The following AKAP10 variants were observed in gnomAD, a reference collection of about 807,000 sequenced individuals.
AKAP10 encodes the protein A-kinase anchoring protein 10.
In AKAP10, 24 loss-of-function variants were observed where a neutral mutation model predicts 80.8. The ratio of observed to expected loss-of-function variants is 0.30; its 90% CI spans 0.22 to 0.42. The LOEUF (loss-of-function observed/expected upper bound fraction) is 0.42. Among genes scored for constraint, AKAP10 ranks in the 10% least tolerant of loss-of-function variants. The pLI, the probability that AKAP10 is intolerant of heterozygous loss-of-function variation, is 1.00. For missense variants in AKAP10, 661 were observed against 794.9 expected, an observed-to-expected ratio of 0.83 and a Z score of 2.03; for synonymous variants, 291 against 277.7, an observed-to-expected ratio of 1.05 and a Z score of -0.48.
chr17:19,940,355 T>A (rs1352605610), intron 7 of AKAP10, among the ~76,000 whole-genome samples: 1 of 152,220 alleles, frequency 6.6e-6, no homozygotes, highest in African/African-American at 2.4e-5. Flanking sequence ...GGGAATCCTC[T>A]TTCTACTTAA....
At chr17:19,910,679 T>C (rs1279123666) in intron 12 of AKAP10, among the ~76,000 whole-genome samples, 2 of 152,108 alleles carry the variant, frequency 1.3e-5, no homozygotes, top group Non-Finnish European at 2.9e-5. Flanking sequence ...AGCAATACAT[T>C]GGGAGACACC....
rs143715700 is a variant in AKAP10 at position 19,911,391 on chromosome 17, T to C, written c.1835-1413A>G. Among the ~76,000 whole-genome samples the C allele has an allele frequency of 6.8e-3, 1,030 of 152,342 alleles. 12 individuals carry two copies. Among genetic ancestry groups the C allele is most frequent in the African/African-American group, 0.024 (979 of 41,576 alleles). The stretch of plus-strand genomic sequence containing the variant: ...ATAAATCCGACCTTCCCTCTAATTC[T>C]TGCTACCACTACCTAACTTTGAATC... On this transcript the variant is annotated intron_variant, in intron 12 of 14. Coordinates refer to ENST00000225737, the MANE Select transcript of AKAP10 (RefSeq NM_007202.4).
At chr17:19,943,512 G>C (rs2043071531) in intron 5 of AKAP10, among the ~76,000 whole-genome samples, 1 of 152,168 alleles carries the variant, frequency 6.6e-6, no homozygotes, top group Non-Finnish European at 1.5e-5. Context: ...TTCTTGGAGG[G>C]TGGCATGACC....
chr17:19,905,415 T>G lies in AKAP10; in HGVS notation c.*812A>C, dbSNP rs560979193. The stretch of plus-strand genomic sequence containing the variant: ...AGGTGCCACAGGGGCAAAAGTGGAG[T>G]CATCGCTATTTCTTTCTTTCTTTCC... On this transcript the variant is annotated 3_prime_UTR_variant, in exon 15 of 15. Coordinates refer to ENST00000225737, the MANE Select transcript of AKAP10 (RefSeq NM_007202.4). The G allele has an allele frequency of 6.6e-6, 1 of 151,588 alleles. No homozygotes were observed. Among genetic ancestry groups the G allele is most frequent in the Non-Finnish European group, 1.5e-5 (1 of 67,956 alleles). The allele number at this position is 151,588 out of a possible 1,614,324, so 9.4% of individuals were successfully genotyped here.
At chr17:19,920,876 A>AAC (rs1567753892) in intron 11 of AKAP10, among the ~76,000 whole-genome samples, 1 of 149,444 alleles carries the variant, frequency 6.7e-6, no homozygotes, top group African/African-American at 2.5e-5. Context: ...AAAAAAAAAA[A>AAC]AAAAAAAAAG....
chr17:19,922,417 T>C (rs530311496), intron 11 of AKAP10, among the ~76,000 whole-genome samples: 1 of 152,176 alleles, frequency 6.6e-6, no homozygotes, highest in Admixed American at 6.6e-5. Flanking sequence ...TAAAACCATC[T>C]TTATTTATTT....
At chr17:19,964,262 A>T (rs1391692663) in intron 2 of AKAP10, among the ~76,000 whole-genome samples, 1 of 152,204 alleles carries the variant, frequency 6.6e-6, no homozygotes, top group Non-Finnish European at 1.5e-5. Context: ...CATTTGTACA[A>T]GGCTTTCCCC....
At chr17:19,963,704 GAC>G (rs2043381607) in intron 2 of AKAP10, among the ~76,000 whole-genome samples, 1 of 152,012 alleles carries the variant, frequency 6.6e-6, no homozygotes, top group Non-Finnish European at 1.5e-5. Flanking sequence ...AGACCAGCCT[GAC>G]CAACATGGTG....
chr17:19,912,584 G>A (rs1268364981), intron 12 of AKAP10, among the ~76,000 whole-genome samples: 1 of 152,024 alleles, frequency 6.6e-6, no homozygotes, highest in Non-Finnish European at 1.5e-5. Context: ...TGGGCGTGGT[G>A]ACACGTGCCT....
intron 1 of AKAP10, 109 bp from the exon 2 acceptor site, chr17:19,968,570 G>A: frequency 1.1e-6 from 1 of 916,742 alleles, no homozygotes; most frequent in South Asian, 1.6e-5. Flanking sequence ...CAAAGTTCTA[G>A]AACAATGGAC....
intron 10 of AKAP10, among the ~76,000 whole-genome samples, chr17:19,931,391 T>C (rs1247587743): frequency 6.8e-6 from 1 of 147,302 alleles, no homozygotes; most frequent in Non-Finnish European, 1.5e-5. Context: ...TTTATTTCTC[T>C]CTTTTTTTTT....
intron 11 of AKAP10, among the ~76,000 whole-genome samples, chr17:19,921,616 G>A (rs1348556065): frequency 1.3e-5 from 2 of 151,050 alleles, no homozygotes; most frequent in African/African-American, 4.9e-5. Flanking sequence ...TGGAAGGATT[G>A]CTTGAGCCTA....
chr17:19,907,857 C>T (rs1770491015), intron 14 of AKAP10, among the ~76,000 whole-genome samples: 1 of 151,848 alleles, frequency 6.6e-6, no homozygotes, highest in African/African-American at 2.4e-5. Flanking sequence ...TTGTGATTGA[C>T]GTCAGACATT....
intron 4 of AKAP10, among the ~76,000 whole-genome samples, chr17:19,951,246 G>C (rs796922784): frequency 2.0e-5 from 2 of 102,278 alleles, no homozygotes; most frequent in African/African-American, 7.1e-5. Flanking sequence ...GTCAGCCCCC[G>C]CCCGGCCAGC....
chr17:19,968,385 T>C (rs2043450132), intron 2 of AKAP10, 29 bp downstream of exon 2: 10 of 1,591,964 alleles, frequency 6.3e-6, no homozygotes, highest in Non-Finnish European at 6.0e-6. Context: ...CACTTTTTAA[T>C]GCAGTGGACT....
At chr17:19,940,773 T>C in intron 7 of AKAP10, 114 bp downstream of exon 7, 3 of 1,233,830 alleles carry the variant, frequency 2.4e-6, no homozygotes, top group African/African-American at 1.5e-5. Flanking sequence ...CAATGATACA[T>C]CTTTTTGGAA....
At chr17:19,920,589 TCCCA>T (rs2042799274) in intron 11 of AKAP10, among the ~76,000 whole-genome samples, 1 of 152,116 alleles carries the variant, frequency 6.6e-6, no homozygotes, top group Non-Finnish European at 1.5e-5. Context: ...ATGCCTGTAA[TCCCA>T]GTACTTTGGG....
chr17:19,967,072 A>C (rs867561046), intron 2 of AKAP10, among the ~76,000 whole-genome samples: 4 of 152,202 alleles, frequency 2.6e-5, no homozygotes, highest in African/African-American at 4.8e-5. Context: ...TACTCAGTGC[A>C]AGCAATACAA....
intron 4 of AKAP10, among the ~76,000 whole-genome samples, chr17:19,948,603 G>A (rs1464003399): frequency 1.3e-5 from 2 of 152,096 alleles, no homozygotes; most frequent in Admixed American, 1.3e-4. Context: ...GTGTGCTGAA[G>A]TATAGGGAAT....
Sources: gnomAD v4.1 joint callset for allele counts (sites outside exome capture counted in the v4.1 genomes callset) on GRCh38, gnomAD v4.1.1 for gene constraint, MANE v1.5 for transcripts, NCBI Gene and HGNC (gene_info 2026-07-23, HGNC 2026-07-21) for gene names.